Variants in ST18 observed in about 807,000 individuals in gnomAD.
The protein encoded by ST18 is suppression of tumorigenicity 18 protein.
Under a neutral mutation model 110.0 loss-of-function variants are expected in ST18, and 50 were observed. The observed-to-expected ratio is 0.45, with a 90% CI of 0.36 to 0.58. The LOEUF is 0.58. Among genes scored for constraint, ST18 ranks in the 20% least tolerant of loss-of-function variants. The probability of loss-of-function intolerance (pLI) is 0.00; values close to 1 mark genes in which losing one functional copy is unlikely to be tolerated. For missense variants in ST18, 1,306 were observed against 1,280.1 expected, an observed-to-expected ratio of 1.02 and a Z score of -0.31; for synonymous variants, 461 against 452.4, an observed-to-expected ratio of 1.02 and a Z score of -0.24.
intron 8 of ST18, among the ~76,000 whole-genome samples, chr8:52,188,883 A>G (rs2073407058): frequency 6.6e-6 from 1 of 152,210 alleles, no homozygotes; most frequent in Non-Finnish European, 1.5e-5. Context: ...TCATGTAGTT[A>G]CCATTTCTGA....
intron 2 of ST18, among the ~76,000 whole-genome samples, chr8:52,314,499 C>T (rs567088957): frequency 1.6e-4 from 25 of 152,332 alleles, no homozygotes; most frequent in African/African-American, 5.8e-4. Context: ...GCCTTAAACT[C>T]TGCTTAACTA....
At chr8:52,140,564 G>C (rs1000331841) in intron 17 of ST18, among the ~76,000 whole-genome samples, 1 of 150,466 alleles carries the variant, frequency 6.6e-6, no homozygotes, top group Non-Finnish European at 1.5e-5. Flanking sequence ...TAGATAGATA[G>C]ATAGATAGAT....
At chr8:52,332,770 G>T (rs1421612410) in intron 2 of ST18, among the ~76,000 whole-genome samples, 4 of 152,054 alleles carry the variant, frequency 2.6e-5, no homozygotes, top group African/African-American at 9.7e-5. Context: ...AGAATCGCTT[G>T]AACCTGGGAG....
intron 8 of ST18, among the ~76,000 whole-genome samples, chr8:52,198,590 G>A (rs1339260349): frequency 1.3e-5 from 2 of 152,150 alleles, no homozygotes; most frequent in Non-Finnish European, 2.9e-5. Flanking sequence ...ATGTGTTACA[G>A]TAGTCATGTG....
chr8:52,209,946 A>G, intron 8 of ST18: 1 of 380,804 alleles, frequency 2.6e-6, no homozygotes, highest in East Asian at 7.3e-5. Flanking sequence ...TCTATGAATT[A>G]TATTTCTCTT....
chr8:52,255,665 G>A (rs1391984140), intron 2 of ST18, among the ~76,000 whole-genome samples: 1 of 152,034 alleles, frequency 6.6e-6, no homozygotes, highest in African/African-American at 2.4e-5. Context: ...AAACCACCAT[G>A]GAAGTATCAT....
intron 8 of ST18, among the ~76,000 whole-genome samples, chr8:52,188,305 A>G (rs919278003): frequency 6.6e-6 from 1 of 152,168 alleles, no homozygotes; most frequent in Non-Finnish European, 1.5e-5. Context: ...AGAAGACTGA[A>G]TTTTAGTAAA....
intron 2 of ST18, among the ~76,000 whole-genome samples, chr8:52,258,085 G>A (rs917206475): frequency 2.0e-5 from 3 of 152,112 alleles, no homozygotes; most frequent in Non-Finnish European, 2.9e-5. Flanking sequence ...TCCATTGATG[G>A]TAGACATGGG....
rs188321295 is a variant in ST18, at chr8:52,114,497, A to C, written c.3004-1159T>G. Reference sequence around the variant, plus strand: ...TTGGAAGAAAGGACATTTAAATGTCAAAGTACTGTTATTGTTGCTATTTAA... The same window carrying C: ...TTGGAAGAAAGGACATTTAAATGTCCAAGTACTGTTATTGTTGCTATTTAA... On this transcript the variant is annotated intron_variant, in intron 25 of 25. Transcript: ENST00000689386. Among the ~76,000 whole-genome samples the C allele has an allele frequency of 6.6e-5, 10 of 152,364 alleles. No homozygotes were observed. The East Asian group carries it at 1.9e-3, about 29-fold the overall frequency.
At chr8:52,392,102 A>G (rs1156330236) in intron 2 of ST18, among the ~76,000 whole-genome samples, 2 of 152,250 alleles carry the variant, frequency 1.3e-5, no homozygotes, top group East Asian at 1.9e-4. Flanking sequence ...AATGCATTCA[A>G]TCAACACATT....
chr8:52,222,579 C>G (rs937350094), intron 3 of ST18, among the ~76,000 whole-genome samples: 1 of 152,156 alleles, frequency 6.6e-6, no homozygotes, highest in Non-Finnish European at 1.5e-5. Context: ...TTCATGAAGT[C>G]TAAGCACACC....
At chr8:52,236,916 G>A (rs1027053933) in intron 2 of ST18, among the ~76,000 whole-genome samples, 1 of 152,146 alleles carries the variant, frequency 6.6e-6, no homozygotes, top group African/African-American at 2.4e-5. Context: ...TGGAGACTGT[G>A]AGCACTGTCT....
chr8:52,333,525 A>G (rs1810597106), intron 2 of ST18, among the ~76,000 whole-genome samples: 1 of 152,230 alleles, frequency 6.6e-6, no homozygotes, highest in African/African-American at 2.4e-5. Context: ...TCTGAGAACA[A>G]TAAGATTCTT....
chr8:52,214,052 G>A (rs978362415), intron 7 of ST18, 151 bp downstream of exon 7: 8 of 754,648 alleles, frequency 1.1e-5, no homozygotes, highest in African/African-American at 3.5e-5. Flanking sequence ...TTGCCTCTCC[G>A]TGCCAAGAGC....
intron 9 of ST18, among the ~76,000 whole-genome samples, chr8:52,177,120 G>T (rs961823163): frequency 1.3e-5 from 2 of 152,124 alleles, no homozygotes; most frequent in East Asian, 3.9e-4. Flanking sequence ...CTTCCTTCCG[G>T]AGACTTTCAT....
At chr8:52,129,251 A>C (rs1185744629) in intron 22 of ST18, among the ~76,000 whole-genome samples, 1 of 151,992 alleles carries the variant, frequency 6.6e-6, no homozygotes, top group Non-Finnish European at 1.5e-5. Context: ...AGATCATTTG[A>C]GTTCAGGAGT....
intron 16 of ST18, among the ~76,000 whole-genome samples, chr8:52,143,446 C>T (rs1173691173): frequency 6.6e-6 from 1 of 151,876 alleles, no homozygotes; most frequent in Non-Finnish European, 1.5e-5. Flanking sequence ...GATGGCTCCA[C>T]TGCACTCCAG....
intron 2 of ST18, among the ~76,000 whole-genome samples, chr8:52,270,666 G>A (rs774397526): frequency 4.6e-5 from 7 of 151,962 alleles, no homozygotes; most frequent in Non-Finnish European, 8.8e-5. Context: ...CTGAATATAC[G>A]CAACTTTGAA....
At chr8:52,235,822 A>C (rs2092563964) in intron 2 of ST18, among the ~76,000 whole-genome samples, 1 of 152,154 alleles carries the variant, frequency 6.6e-6, no homozygotes, top group Non-Finnish European at 1.5e-5. Context: ...ACAACTGTCA[A>C]CTTTGGTGCA....
Sources: allele counts gnomAD v4.1 joint callset (sites outside exome capture counted in the v4.1 genomes callset), GRCh38; gene constraint gnomAD v4.1.1; transcripts MANE v1.5; gene names NCBI Gene and HGNC (gene_info 2026-07-23, HGNC 2026-07-21).